SBK1: variants seen among roughly 807,000 people sequenced by gnomAD.
SBK1 encodes the protein serine/threonine-protein kinase SBK1.
A neutral mutation model predicts 24.4 loss-of-function variants in SBK1; 11 were observed. The ratio of observed to expected loss-of-function variants is 0.45; its 90% CI spans 0.28 to 0.75. SBK1 has a LOEUF of 0.75. Ranked by LOEUF, SBK1 falls within the 30% of genes least tolerant of loss-of-function variation. SBK1 has a pLI of 0.12. For synonymous variants in SBK1, 308 were observed against 284.4 expected (o/e 1.08, Z -0.83); for missense variants, 467 against 620.5 (o/e 0.75, Z 2.63).
At position 28,320,646 on chromosome 16, in the gene SBK1, G is replaced by A. The variant is rs2044834027; in HGVS notation, c.1000G>A (p.Gly334Arg). 3.5e-6 allele frequency: 4 copies of A among 1,159,290 alleles called. No homozygotes were observed. Among genetic ancestry groups the A allele is most frequent in the Non-Finnish European group, 4.2e-6 (4 of 941,806 alleles). The allele number at this position is 1,159,290 out of a possible 1,614,324, so 71.8% of individuals were successfully genotyped here. A position where few individuals can be genotyped will look rare whatever the true frequency, so the allele number is the denominator to read the frequency against. Residue 334 changes from glycine to arginine, a missense_variant, in exon 4 of 4, where the codon GGG becomes AGG. Physicochemically the swap from Gly to Arg is moderately radical, Grantham distance 125. Transcript: ENST00000341901. This position sits in a 1 kb window ranked among gnomAD's most constrained non-coding sequence, Gnocchi z 8.5. ...CTCGCACCGCGCGCGCAAGCCCCCCGGGGACCGCCCGCCCGCCGCCGGGCC... is the reference window on the plus strand; with the variant it reads ...CTCGCACCGCGCGCGCAAGCCCCCCAGGGACCGCCCGCCCGCCGCCGGGCC... ...RPSHRARKPP[G>R]DRPPAAGPLR... is the part of the protein sequence containing the mutation.
chr16:28,299,396 C>T (rs1483770691), intron 1 of SBK1, among the ~76,000 whole-genome samples: 1 of 152,202 alleles, frequency 6.6e-6, no homozygotes, highest in Non-Finnish European at 1.5e-5. Flanking sequence ...AAGCTGTTTC[C>T]TCAAGATTCC....
At chr16:28,263,442 C>G (rs183956157) in intron 1 of SBK1, among the ~76,000 whole-genome samples, 1 of 152,138 alleles carries the variant, frequency 6.6e-6, no homozygotes, top group African/African-American at 2.4e-5. Flanking sequence ...AAGTAGCCAG[C>G]AGTGGGGAGA....
At chr16:28,283,782 C>G (rs2044547809) in intron 1 of SBK1, among the ~76,000 whole-genome samples, 1 of 152,176 alleles carries the variant, frequency 6.6e-6, no homozygotes, top group Non-Finnish European at 1.5e-5. Flanking sequence ...CCAGACCCAG[C>G]TGGTCACTGT....
intron 1 of SBK1, among the ~76,000 whole-genome samples, chr16:28,302,821 C>G (rs1018150990): frequency 3.3e-5 from 5 of 152,148 alleles, no homozygotes; most frequent in East Asian, 1.9e-4. Flanking sequence ...GTGAACAAGA[C>G]CAGACAGCAA....
At chr16:28,276,821 C>A (rs562186766) in intron 1 of SBK1, among the ~76,000 whole-genome samples, 1 of 151,974 alleles carries the variant, frequency 6.6e-6, no homozygotes, top group Non-Finnish European at 1.5e-5. Context: ...CCCGCCACCA[C>A]GCCCGGCTAA....
At chr16:28,296,301 G>A (rs945707620) in intron 1 of SBK1, among the ~76,000 whole-genome samples, 5 of 151,930 alleles carry the variant, frequency 3.3e-5, no homozygotes, top group Admixed American at 1.3e-4. Context: ...CACCATCTTG[G>A]CCAGGCTGGT....
intron 1 of SBK1, among the ~76,000 whole-genome samples, chr16:28,307,669 G>A: frequency 6.7e-6 from 1 of 148,458 alleles, no homozygotes; most frequent in East Asian, 2.0e-4. Flanking sequence ...GAACCCGGGA[G>A]ACAGAGGTTG....
chr16:28,291,898 G>A (rs2044600769), upstream of SBK1: 1 of 152,244 alleles, frequency 6.6e-6, no homozygotes, highest in Admixed American at 6.5e-5. Context: ...CAACCACCCA[G>A]GCCCAAGTTT....
At chr16:28,305,335 C>T (rs1167090546) in intron 1 of SBK1, among the ~76,000 whole-genome samples, 4 of 152,206 alleles carry the variant, frequency 2.6e-5, no homozygotes, top group Non-Finnish European at 4.4e-5. Flanking sequence ...GCCTCAGCTT[C>T]CCAAGTAGCT....
rs1219086984 is a variant in SBK1, at chr16:28,274,556, GC to G, written c.257+15055del. Among the ~76,000 whole-genome samples the G allele has an allele frequency of 3.3e-5, 5 of 152,254 alleles. No individual in the cohort carries two copies. The East Asian group carries it at 9.6e-4, about 29-fold the overall frequency. On this transcript the variant is annotated intron_variant, in intron 1 of 3. Coordinates refer to the SBK1 transcript ENST00000671413. The stretch of plus-strand genomic sequence containing the variant: ...AATCCCAGCTATTCGGGAGGCTGAG[GC>G]AGGAGAATCGCTTGAACCCAGGAGG...
intron 1 of SBK1, among the ~76,000 whole-genome samples, chr16:28,304,759 C>T (rs1376061591): frequency 6.6e-6 from 1 of 151,866 alleles, no homozygotes; most frequent in Non-Finnish European, 1.5e-5. Context: ...AGGTGCCCGC[C>T]ACCACGCCCA....
chr16:28,298,340 T>G (rs146425887), intron 1 of SBK1, among the ~76,000 whole-genome samples: 1 of 152,246 alleles, frequency 6.6e-6, no homozygotes, highest in Non-Finnish European at 1.5e-5. Flanking sequence ...TGCTCAGTGC[T>G]GGACAGCGTT....
At chr16:28,261,478 C>CACACACACACAA (rs1426994495) in intron 1 of SBK1, among the ~76,000 whole-genome samples, 2 of 137,960 alleles carry the variant, frequency 1.4e-5, no homozygotes, top group African/African-American at 5.5e-5. Context: ...CACACACACA[C>CACACACACACAA]AATTAGCCAG....
rs2044615224 is a variant in SBK1, at chr16:28,293,299, A to G, written c.-9A>G. The G allele has an allele frequency of 1.0e-6, 1 of 985,122 alleles. No individual in the cohort carries two copies. The highest frequency in any genetic ancestry group is 1.2e-6 in the Non-Finnish European group (1 of 829,670). The allele number at this position is 985,122 out of a possible 1,614,324, so 61.0% of individuals were successfully genotyped here. A position where few individuals can be genotyped will look rare whatever the true frequency, so the allele number is the denominator to read the frequency against. ...CGCGGCGTCCCCGCGGCCCCAGCCCAGGTAAGCCGGGCCCAGGTGAGGGGC... is the reference window on the plus strand; with the variant it reads ...CGCGGCGTCCCCGCGGCCCCAGCCCGGGTAAGCCGGGCCCAGGTGAGGGGC... On this transcript the variant is annotated splice_region_variant and 5_prime_UTR_variant, in exon 1 of 4. Coordinates refer to ENST00000341901, the MANE Select transcript of SBK1 (RefSeq NM_001024401.3).
chr16:28,298,941 A>G (rs912362873), intron 1 of SBK1, among the ~76,000 whole-genome samples: 2 of 152,242 alleles, frequency 1.3e-5, no homozygotes, highest in Non-Finnish European at 2.9e-5. Flanking sequence ...GTCCCCCACC[A>G]TAGCCAGAAG....
intron 1 of SBK1, among the ~76,000 whole-genome samples, chr16:28,283,742 T>G (rs538594924): frequency 5.9e-5 from 9 of 152,138 alleles, no homozygotes; most frequent in Non-Finnish European, 1.0e-4. Flanking sequence ...GGACAGAGGC[T>G]GTGTAACAGA....
At chr16:28,308,619 A>G (rs1395725034) in intron 1 of SBK1, among the ~76,000 whole-genome samples, 1 of 151,264 alleles carries the variant, frequency 6.6e-6, no homozygotes, top group Non-Finnish European at 1.5e-5. Context: ...ATAGAGATGG[A>G]GGTCTTGCTA....
chr16:28,299,546 C>T (rs528763246), intron 1 of SBK1, among the ~76,000 whole-genome samples: 3 of 152,170 alleles, frequency 2.0e-5, no homozygotes, highest in South Asian at 2.1e-4. Context: ...TCCACTTACA[C>T]GGGGCCATGG....
intron 1 of SBK1, among the ~76,000 whole-genome samples, chr16:28,312,256 G>A (rs559260583): frequency 5.3e-5 from 8 of 152,300 alleles, no homozygotes; most frequent in South Asian, 4.1e-4. Flanking sequence ...CGCAGGCCCC[G>A]GGGAGGCCTG....
Sources: gnomAD v4.1 joint callset for allele counts (sites outside exome capture counted in the v4.1 genomes callset) on GRCh38, gnomAD v4.1.1 for gene constraint, Gnocchi (gnomAD v3.1) non-coding constraint, MANE v1.5 for transcripts, NCBI Gene and HGNC (gene_info 2026-07-23, HGNC 2026-07-21) for gene names.